Variants in IMPA1 observed in about 807,000 individuals in gnomAD.
IMPA1 encodes the protein inositol monophosphatase 1.
In IMPA1, 21 loss-of-function variants were observed where a neutral mutation model predicts 34.9. That is an observed-to-expected ratio of 0.60 (90% CI 0.43 to 0.87). The LOEUF is 0.87. Among genes scored for constraint, IMPA1 ranks in the 40% least tolerant of loss-of-function variants. IMPA1 has a pLI of 0.00. For missense variants in IMPA1, 299 were observed against 336.4 expected, an observed-to-expected ratio of 0.89 and a Z score of 0.87; for synonymous variants, 95 against 104.4, an observed-to-expected ratio of 0.91 and a Z score of 0.55.
chr8:81,664,458 CAAG>C (rs1012325412), intron 7 of IMPA1, among the ~76,000 whole-genome samples: 2 of 152,146 alleles, frequency 1.3e-5, no homozygotes, highest in African/African-American at 4.8e-5. Flanking sequence ...TGAGAAAGAA[CAAG>C]GAGGAGCAGA....
chr8:81,674,630 T>C (rs1359814551), intron 5 of IMPA1: 2 of 347,066 alleles, frequency 5.8e-6, no homozygotes, highest in Non-Finnish European at 1.1e-5. Context: ...CACCTACTAA[T>C]TCGTTTCAGT....
chr8:81,666,059 C>T (rs936626020), intron 7 of IMPA1, among the ~76,000 whole-genome samples: 1 of 152,014 alleles, frequency 6.6e-6, no homozygotes, highest in African/African-American at 2.4e-5. Context: ...AAAGCGGGGT[C>T]ATGGGTTGAA....
At chr8:81,685,810 C>A in intron 1 of IMPA1, 1 of 1,546,936 alleles carries the variant, frequency 6.5e-7, no homozygotes, top group East Asian at 2.5e-5. Context: ...CCTGCTGTTT[C>A]TGTCCTGGTC....
chr8:81,673,512 G>GTCA (rs1807047454), intron 6 of IMPA1, among the ~76,000 whole-genome samples: 1 of 152,126 alleles, frequency 6.6e-6, no homozygotes, highest in Admixed American at 6.5e-5. Flanking sequence ...CTGAGGCTGT[G>GTCA]TCACCTTAAC....
At chr8:81,662,884 A>G (rs1204367944) in intron 7 of IMPA1, among the ~76,000 whole-genome samples, 1 of 152,228 alleles carries the variant, frequency 6.6e-6, no homozygotes, top group African/African-American at 2.4e-5. Flanking sequence ...AACAAAGGAA[A>G]TTGATCCAGA....
rs773742914 is a variant in IMPA1, at chr8:81,659,355, T to A, written c.830A>T (p.Asp277Val). ...QVIPLQRDDED is the reference protein window; with the variant it reads ...QVIPLQRDDEV ...TTGACTATGAGGCTGCCTTAATTAA[T>A]CTTCGTCGTCTCGTTGCAAAGGTAT... is the stretch of plus-strand genomic sequence containing the variant. Residue 277 changes from aspartate to valine, a missense_variant, in exon 9 of 9, where the codon GAT becomes GTT. Asp to Val is a radical substitution (Grantham distance 152, BLOSUM62 -3). Coordinates refer to ENST00000256108, the MANE Select transcript of IMPA1 (RefSeq NM_005536.4). 6.3e-7 allele frequency: 1 copy of A among 1,577,058 alleles called. No individual in the cohort carries two copies. The highest frequency in any genetic ancestry group is 8.7e-7 in the Non-Finnish European group (1 of 1,146,518).
chr8:81,667,515 G>C (rs1055117630), intron 7 of IMPA1, among the ~76,000 whole-genome samples: 2 of 152,024 alleles, frequency 1.3e-5, no homozygotes, highest in Non-Finnish European at 1.5e-5. Flanking sequence ...AAACAGAAGC[G>C]GCTTTGAAAT....
chr8:81,668,605 C>G (rs1013529937), intron 7 of IMPA1, among the ~76,000 whole-genome samples: 3 of 151,872 alleles, frequency 2.0e-5, no homozygotes, highest in Non-Finnish European at 4.4e-5. Flanking sequence ...AAAAACAAAA[C>G]AAACAAACAA....
At chr8:81,683,573 A>G (rs932836440) in intron 1 of IMPA1, among the ~76,000 whole-genome samples, 15 of 152,188 alleles carry the variant, frequency 9.9e-5, no homozygotes, top group African/African-American at 3.4e-4. Flanking sequence ...CTACTGAAAC[A>G]GGGAGCAACA....
chr8:81,683,656 C>A (rs1479776048), intron 1 of IMPA1, among the ~76,000 whole-genome samples: 3 of 152,062 alleles, frequency 2.0e-5, no homozygotes, highest in South Asian at 4.2e-4. Flanking sequence ...AGATGAGAGG[C>A]CTCTGTAAAA....
rs747274066 is a variant in IMPA1 at position 81,680,793 on chromosome 8, G to A, written c.64-10C>T. On this transcript the variant is annotated splice_polypyrimidine_tract_variant and intron_variant, in intron 2 of 8. Transcript: ENST00000256108. ...TAGCTTCACAAACTACCTAAAAAGA[G>A]GTTTTGGTAAGCAAATAGAAAAGGC... 2.5e-6 allele frequency: 4 copies of A among 1,581,500 alleles called. No individual in the cohort carries two copies. The highest frequency in any genetic ancestry group is 3.4e-6 in the Non-Finnish European group (4 of 1,160,026).
At chr8:81,665,317 C>A (rs1358276229) in intron 7 of IMPA1, among the ~76,000 whole-genome samples, 3 of 151,654 alleles carry the variant, frequency 2.0e-5, no homozygotes, top group Non-Finnish European at 4.4e-5. Context: ...GTACATAAAA[C>A]AAGATGACTG....
chr8:81,662,839 T>C (rs908846372), intron 7 of IMPA1, among the ~76,000 whole-genome samples: 6 of 152,228 alleles, frequency 3.9e-5, no homozygotes, highest in Non-Finnish European at 5.9e-5. Flanking sequence ...ATACCATACA[T>C]AGTGAATTTC....
At chr8:81,685,812 G>A (rs1252021800) in intron 1 of IMPA1, 5 of 1,547,036 alleles carry the variant, frequency 3.2e-6, no homozygotes, top group East Asian at 4.9e-5. Flanking sequence ...TGCTGTTTCT[G>A]TCCTGGTCAC....
intron 1 of IMPA1, chr8:81,685,901 T>C (rs766765404): frequency 9.9e-5 from 153 of 1,545,832 alleles, no homozygotes; most frequent in Non-Finnish European, 1.2e-4. Context: ...GCACAGGACC[T>C]GGGCGCTGCC....
intron 3 of IMPA1, 80 bp from the exon 4 acceptor site, chr8:81,679,310 C>A (rs1807222965): frequency 1.0e-6 from 1 of 959,274 alleles, no homozygotes; most frequent in Admixed American, 1.8e-5. Context: ...CTTAGCTACA[C>A]AGAGTACTAT....
At chr8:81,663,666 T>C (rs988480245) in intron 7 of IMPA1, among the ~76,000 whole-genome samples, 4 of 152,246 alleles carry the variant, frequency 2.6e-5, no homozygotes, top group Admixed American at 1.3e-4. Context: ...AAATATTATG[T>C]TGTTATTTAC....
In IMPA1 at chr8:81,673,843, T is replaced by C; in HGVS notation, c.455A>G (p.Glu152Gly). Residue 152 changes from glutamate (E) to glycine (G), a missense_variant and splice_region_variant, in exon 6 of 9, where the codon GAA becomes GGA. Coordinates refer to ENST00000256108, the MANE Select transcript of IMPA1 (RefSeq NM_005536.4). Reference protein sequence around the residue: ...NGQKLQVSQQEDITKSLLVTE... With the variant: ...NGQKLQVSQQGDITKSLLVTE... ...TCAAAAATTGGAATTAATCCTACCT[T>C]CTTGTTGTGAAACTTGTAGTTTTTG... 1 of 1,568,918 alleles carries C rather than the reference T, an allele frequency of 6.4e-7. No homozygotes were observed. The highest frequency in any genetic ancestry group is 1.4e-5 in the African/African-American group (1 of 74,070).
intron 3 of IMPA1, among the ~76,000 whole-genome samples, chr8:81,679,614 G>C (rs62512311): frequency 9.2e-6 from 1 of 108,842 alleles, no homozygotes; most frequent in Non-Finnish European, 1.8e-5. Flanking sequence ...CTCTGTCTCA[G>C]GAAAAAAAAA....
Sources: gnomAD v4.1 joint callset for allele counts (sites outside exome capture counted in the v4.1 genomes callset) on GRCh38, gnomAD v4.1.1 for gene constraint, MANE v1.5 for transcripts, NCBI Gene and HGNC (gene_info 2026-07-23, HGNC 2026-07-21) for gene names.